The following KNDC1 variants were observed in gnomAD, a reference collection of about 807,000 sequenced individuals.
KNDC1 encodes the protein kinase non-catalytic C-lobe domain-containing protein 1.
KNDC1 carries 106 observed loss-of-function variants against 172.8 expected under a neutral mutation model. That is an observed-to-expected ratio of 0.61 (90% CI 0.52 to 0.72). KNDC1 has a LOEUF of 0.72. Among genes scored for constraint, KNDC1 ranks in the 30% least tolerant of loss-of-function variants. The probability of loss-of-function intolerance (pLI) is 0.00; values close to 1 mark genes in which losing one functional copy is unlikely to be tolerated. For missense variants in KNDC1, 2,325 were observed against 2,394.5 expected (o/e 0.97, Z 0.61); for synonymous variants, 1,083 against 1,062.2 (o/e 1.02, Z -0.38).
In KNDC1 at chr10:133,188,554, G is replaced by T. The variant is rs770753272; in HGVS notation, c.1342G>T (p.Asp448Tyr). 10 of 1,572,086 alleles carry T rather than the reference G, an allele frequency of 6.4e-6. No homozygotes were observed. The highest frequency in any genetic ancestry group is 8.6e-6 in the Non-Finnish European group (10 of 1,159,086). Residue 448 changes from aspartate (D) to tyrosine (Y), a missense_variant, in exon 7 of 30, where the codon GAC (aspartate) becomes TAC (tyrosine). Physicochemically the swap from Asp to Tyr is radical, Grantham distance 160. Coordinates refer to ENST00000304613, the MANE Select transcript of KNDC1 (RefSeq NM_152643.8). ...CTGCCCACAGTGGGTGTCCCTGCAG[G>T]ACCTCCTGTCCCAGCTGGGCCGGCC... ...AAAEQWVSLQ[D>Y]LLSQLGRPFR...
At position 133,217,066 on chromosome 10, in the gene KNDC1, G is replaced by A. The variant is rs542857089; in HGVS notation, c.4678-1765G>A. Among the ~76,000 whole-genome samples the A allele has an allele frequency of 1.5e-3, 230 of 152,372 alleles. 1 individual carries two copies. The highest frequency in any genetic ancestry group is 6.8e-3 in the Middle Eastern group (2 of 294). ...CGTGTTGAACGGGGACCGAGTTTCC[G>A]TTTGGGAAGATGGAGAGTCGCAGAC... On this transcript the variant is annotated intron_variant, in intron 26 of 29. Coordinates refer to ENST00000304613, the MANE Select transcript of KNDC1 (RefSeq NM_152643.8).
Position 133,206,762 on chromosome 10 carries a change from G to C in KNDC1, c.3465G>C (p.Lys1155Asn). The change falls in exon 18 of 30, where the codon AAG becomes AAC. Residue 1155 changes from lysine to asparagine, a missense_variant. Physicochemically the swap from Lys to Asn is moderately conservative, Grantham distance 94. Transcript: ENST00000304613. ...AGTTCTACCAGAAACTCTTACAGAAGGAAAAGAGGAACAAAGGTAAGGCCC... is the reference window on the plus strand; with the variant it reads ...AGTTCTACCAGAAACTCTTACAGAACGAAAAGAGGAACAAAGGTAAGGCCC... ...TLKFYQKLLQ[K>N]EKRNKGSDVK... 2 of 1,614,122 alleles carry C rather than the reference G, an allele frequency of 1.2e-6. No homozygotes were observed. Among genetic ancestry groups the C allele is most frequent in the Admixed American group, 1.7e-5 (1 of 60,036 alleles).
At chr10:133,165,315 C>T (rs1398179291) in intron 1 of KNDC1, among the ~76,000 whole-genome samples, 1 of 152,224 alleles carries the variant, frequency 6.6e-6, no homozygotes, top group Non-Finnish European at 1.5e-5. Context: ...CAGGCATCTC[C>T]CCTCCAGGTC....
intron 3 of KNDC1, 126 bp downstream of exon 3, chr10:133,168,438 C>T (rs3008303): frequency 0.45 from 417,009 of 935,400 alleles, 96,818 homozygotes; most frequent in Admixed American, 0.66. Context: ...GGAGCGGAGC[C>T]GCTGCTGCCC....
rs776242755 is a variant in KNDC1 at position 133,198,935 on chromosome 10, G to T, written c.2427G>T (p.Gly809=). The T allele has an allele frequency of 2.6e-6, 4 of 1,560,416 alleles. No homozygotes were observed. Among genetic ancestry groups the T allele is most frequent in the South Asian group, 2.3e-5 (2 of 85,956 alleles). The change falls in exon 14 of 30, where the codon GGG becomes GGT. Residue 809 remains glycine (G), a synonymous_variant. Transcript: ENST00000304613. ...CGATCCCACCTGGAGTTGCTTCCGG[G>T]GGCCTCAGGCCCGACGCCCTGGGGC... ...AEPIPPGVAS[G]GLRPDALGPT...
At chr10:133,212,363 C>A (rs959347390) in intron 23 of KNDC1, among the ~76,000 whole-genome samples, 1 of 152,248 alleles carries the variant, frequency 6.6e-6, no homozygotes, top group African/African-American at 2.4e-5. Context: ...GGCAGCCCTG[C>A]TGCGCTGGCA....
chr10:133,173,486 T>G (rs1325750338), intron 3 of KNDC1, among the ~76,000 whole-genome samples: 1 of 62,024 alleles, frequency 1.6e-5, no homozygotes, highest in Non-Finnish European at 4.1e-5. Context: ...GATCATTTCC[T>G]TCTAATTTTT....
Position 133,167,433 on chromosome 10 carries a change from A to G in KNDC1, c.155A>G (p.Glu52Gly), listed in dbSNP as rs112259747. ...TCCCTGCGGGACCGCGGCCTCAGCGAGCAGGAAGCCTGGGCCGTGTGCCTG... is the reference window on the plus strand; with the variant it reads ...TCCCTGCGGGACCGCGGCCTCAGCGGGCAGGAAGCCTGGGCCGTGTGCCTG... ...ILSLRDRGLS[E>G]QEAWAVCLEC... is the part of the protein sequence containing the mutation. Residue 52 changes from glutamate (E) to glycine (G), a missense_variant, in exon 2 of 30, where the codon GAG becomes GGG. Transcript: ENST00000304613. The G allele has an allele frequency of 6.2e-7, 1 of 1,605,762 alleles. No individual in the cohort carries two copies. The highest frequency in any genetic ancestry group is 8.5e-7 in the Non-Finnish European group (1 of 1,177,458).
intron 29 of KNDC1, among the ~76,000 whole-genome samples, chr10:133,221,298 C>G (rs1206013732): frequency 3.3e-5 from 5 of 152,156 alleles, no homozygotes; most frequent in African/African-American, 9.7e-5. Context: ...CTGGGACCAA[C>G]TACCTTGCAC....
intron 17 of KNDC1, among the ~76,000 whole-genome samples, chr10:133,205,671 G>A (rs950497669): frequency 1.3e-5 from 2 of 152,180 alleles, no homozygotes; most frequent in African/African-American, 4.8e-5. Context: ...GCTTCTTTAA[G>A]TTTAAAAGAA....
intron 23 of KNDC1, among the ~76,000 whole-genome samples, chr10:133,212,433 C>T (rs1474931593): frequency 2.0e-5 from 3 of 152,236 alleles, no homozygotes; most frequent in Non-Finnish European, 4.4e-5. Context: ...CATTGACCCA[C>T]GGGCCAGAGA....
intron 3 of KNDC1, among the ~76,000 whole-genome samples, chr10:133,168,610 T>C (rs967493387): frequency 1.3e-5 from 2 of 152,218 alleles, no homozygotes; most frequent in Non-Finnish European, 2.9e-5. Flanking sequence ...ACGTTTGTCA[T>C]CATTACCATT....
rs1221270528 is a variant in KNDC1, at chr10:133,218,820, T to C, written c.4678-11T>C. ...CCAGAAGACGCTGAATGTGTCATTT[T>C]CTTATTGCAGCTGCAGGTGAACTTG... is the stretch of plus-strand genomic sequence containing the variant. On this transcript the variant is annotated splice_polypyrimidine_tract_variant and intron_variant, in intron 26 of 29. Transcript: ENST00000304613. 10 of 1,609,510 alleles carry C rather than the reference T, an allele frequency of 6.2e-6. No individual in the cohort carries two copies. Among genetic ancestry groups the C allele is most frequent in the Non-Finnish European group, 8.5e-6 (10 of 1,176,486 alleles).
intron 29 of KNDC1, among the ~76,000 whole-genome samples, chr10:133,222,454 T>C (rs112544813): frequency 0.071 from 5,522 of 77,300 alleles, 306 homozygotes; most frequent in South Asian, 0.094. Flanking sequence ...GGCGTGTGTG[T>C]GTGTGTGTGA....
chr10:133,199,633 C>T, intron 15 of KNDC1, 31 bp downstream of exon 15: 1 of 1,608,034 alleles, frequency 6.2e-7, no homozygotes, highest in East Asian at 2.2e-5. Context: ...TGCATTCCCG[C>T]CCCTCCCTGA....
chr10:133,200,069 C>G (rs973737298), intron 15 of KNDC1, among the ~76,000 whole-genome samples: 3 of 152,132 alleles, frequency 2.0e-5, no homozygotes, highest in Non-Finnish European at 4.4e-5. Context: ...GCCAGCAGCC[C>G]GGGCAGCTCC....
At chr10:133,216,598 G>T (rs956709564) in intron 26 of KNDC1, among the ~76,000 whole-genome samples, 1 of 152,110 alleles carries the variant, frequency 6.6e-6, no homozygotes, top group African/African-American at 2.4e-5. Context: ...GATCACTGGA[G>T]CCCAGGAGGT....
chr10:133,169,584 C>T (rs368053748), intron 3 of KNDC1, among the ~76,000 whole-genome samples: 33 of 152,240 alleles, frequency 2.2e-4, no homozygotes, highest in East Asian at 3.9e-4. Flanking sequence ...GCCTCTGCTG[C>T]GGGGGTCCTA....
Position 133,200,476 on chromosome 10 carries a change from G to T in KNDC1, c.2989+16G>T. 1 of 1,514,588 alleles carries T rather than the reference G, an allele frequency of 6.6e-7. No individual in the cohort carries two copies. The allele number at this position is 1,514,588 out of a possible 1,614,324, so 93.8% of individuals were successfully genotyped here. Reference sequence around the variant, plus strand: ...CACCGCCTGGGTAAGTGCTGGGCGGGCCCCGCGGCAGGAGCTCTGCTGGGC... The same window carrying T: ...CACCGCCTGGGTAAGTGCTGGGCGGTCCCCGCGGCAGGAGCTCTGCTGGGC... On this transcript the variant is annotated intron_variant, in intron 16 of 29. Transcript: ENST00000304613.
Sources: gnomAD v4.1 joint callset for allele counts (sites outside exome capture counted in the v4.1 genomes callset) on GRCh38, gnomAD v4.1.1 for gene constraint, MANE v1.5 for transcripts, NCBI Gene and HGNC (gene_info 2026-07-23, HGNC 2026-07-21) for gene names.